SLIT1: variants seen among roughly 807,000 people sequenced by gnomAD.
SLIT1 encodes slit homolog 1 protein.
In SLIT1, 66 loss-of-function variants were observed where a neutral mutation model predicts 186.1. The observed-to-expected ratio is 0.35, with a 90% CI of 0.29 to 0.44. The LOEUF is 0.44. SLIT1 is among the 20% of genes least tolerant of loss of function. The pLI is 1.00. For synonymous variants in SLIT1, 761 were observed against 833.8 expected, an observed-to-expected ratio of 0.91 and a Z score of 1.50; for missense variants, 1,638 against 2,037.4, an observed-to-expected ratio of 0.80 and a Z score of 3.77.
rs113697573 is a variant in SLIT1, at chr10:97,160,026, C to T, written c.342-2137G>A. 5.4e-3 allele frequency among the ~76,000 whole-genome samples: 829 copies of T among 152,272 alleles called. 7 individuals carry two copies. Among genetic ancestry groups the T allele is most frequent in the African/African-American group, 0.019 (785 of 41,544 alleles). ...GGTAGATGTGGGATCTTGAAGCTTG[C>T]CTTTCTCTACTCCCCATCCTGGCTG... On this transcript the variant is annotated intron_variant, in intron 3 of 36. Coordinates refer to ENST00000266058, the MANE Select transcript of SLIT1 (RefSeq NM_003061.3).
chr10:97,147,383 C>A (rs1234684244), intron 4 of SLIT1, among the ~76,000 whole-genome samples: 1 of 152,054 alleles, frequency 6.6e-6, no homozygotes, highest in East Asian at 1.9e-4. Flanking sequence ...GTATTTAATG[C>A]CACTAAATTG....
chr10:97,030,315 T>C (rs1457362368), intron 25 of SLIT1, among the ~76,000 whole-genome samples: 1 of 152,180 alleles, frequency 6.6e-6, no homozygotes, highest in Non-Finnish European at 1.5e-5. Context: ...CTGTGTGAAG[T>C]CGGAGGCACA....
chr10:97,073,475 C>A (rs1406269623), intron 4 of SLIT1, among the ~76,000 whole-genome samples: 1 of 152,182 alleles, frequency 6.6e-6, no homozygotes, highest in African/African-American at 2.4e-5. Flanking sequence ...CCTGTCCCAG[C>A]CCGGGGAAGC....
intron 4 of SLIT1, among the ~76,000 whole-genome samples, chr10:97,109,420 T>G (rs1054854982): frequency 6.6e-6 from 1 of 151,984 alleles, no homozygotes; most frequent in Non-Finnish European, 1.5e-5. Context: ...AGGAAGAAAG[T>G]AGGGCAGAAG....
intron 8 of SLIT1, among the ~76,000 whole-genome samples, chr10:97,062,582 A>C (rs548889865): frequency 6.6e-6 from 1 of 152,366 alleles, no homozygotes; most frequent in Admixed American, 6.5e-5. Context: ...CCTGCCCTGC[A>C]GGGTGAGGAG....
intron 4 of SLIT1, among the ~76,000 whole-genome samples, chr10:97,120,199 G>A (rs1460261347): frequency 1.3e-5 from 2 of 151,930 alleles, no homozygotes; most frequent in Non-Finnish European, 2.9e-5. Flanking sequence ...TCAGCCCAGG[G>A]TTGGGCAAGA....
chr10:97,078,792 G>T (rs1849073165), intron 4 of SLIT1, among the ~76,000 whole-genome samples: 1 of 152,232 alleles, frequency 6.6e-6, no homozygotes, highest in African/African-American at 2.4e-5. Flanking sequence ...CCAGGGCGAG[G>T]CCTCCGGGCT....
intron 4 of SLIT1, among the ~76,000 whole-genome samples, chr10:97,143,614 T>C (rs1300021879): frequency 1.3e-5 from 2 of 152,142 alleles, no homozygotes; most frequent in East Asian, 1.9e-4. Context: ...TGTGTTTTTA[T>C]CACAATTTTA....
At chr10:97,039,907 G>T in intron 21 of SLIT1, 81 bp downstream of exon 21, 11 of 1,522,230 alleles carry the variant, frequency 7.2e-6, no homozygotes, top group Non-Finnish European at 9.8e-6. Flanking sequence ...CCCATGGCTA[G>T]GCCCCAGCCC....
At chr10:97,079,779 CT>C (rs1043839763) in intron 4 of SLIT1, among the ~76,000 whole-genome samples, 2 of 152,160 alleles carry the variant, frequency 1.3e-5, no homozygotes, top group African/African-American at 4.8e-5. Flanking sequence ...GGTGAAGATG[CT>C]GCATCTTCCA....
chr10:97,172,674 G>C (rs972598939), intron 1 of SLIT1, among the ~76,000 whole-genome samples: 1 of 152,258 alleles, frequency 6.6e-6, no homozygotes, highest in African/African-American at 2.4e-5. Flanking sequence ...CCAGTGCTTT[G>C]GGAGGCCAAG....
intron 1 of SLIT1, 135 bp downstream of exon 1, chr10:97,185,343 A>T: frequency 1.2e-6 from 1 of 810,206 alleles, no homozygotes; most frequent in Non-Finnish European, 1.9e-6. Context: ...AGACCCCGGC[A>T]GGCACTGACC....
intron 13 of SLIT1, among the ~76,000 whole-genome samples, chr10:97,052,833 T>A (rs1015949201): frequency 6.6e-6 from 1 of 152,208 alleles, no homozygotes; most frequent in South Asian, 2.1e-4. Context: ...GTTGTAATAA[T>A]AGTACCTGAT....
chr10:97,033,050 CTTTTT>C (rs71007311), intron 23 of SLIT1, among the ~76,000 whole-genome samples: 2 of 139,780 alleles, frequency 1.4e-5, no homozygotes, highest in African/African-American at 2.6e-5. Context: ...TTCTTTCTTT[CTTTTT>C]TTTTTTTTTT....
At chr10:97,137,100 C>CT (rs1308265005) in intron 4 of SLIT1, among the ~76,000 whole-genome samples, 1 of 152,168 alleles carries the variant, frequency 6.6e-6, no homozygotes, top group Non-Finnish European at 1.5e-5. Context: ...GACCACAATC[C>CT]TTTTATCAGC....
chr10:97,139,289 T>C (rs183858458), intron 4 of SLIT1, among the ~76,000 whole-genome samples: 27 of 152,232 alleles, frequency 1.8e-4, no homozygotes, highest in Non-Finnish European at 1.6e-4. Context: ...CAACCAGGAA[T>C]CACATTAAGG....
intron 1 of SLIT1, 90 bp from the exon 2 acceptor site, chr10:97,164,980 A>G (rs2134728649): frequency 2.1e-6 from 2 of 960,102 alleles, no homozygotes; most frequent in East Asian, 2.4e-5. Flanking sequence ...CCCCGCCTGG[A>G]TCAGCCAGTC....
intron 4 of SLIT1, among the ~76,000 whole-genome samples, chr10:97,112,231 C>T (rs139131249): frequency 3.2e-4 from 49 of 152,276 alleles, no homozygotes; most frequent in African/African-American, 9.6e-4. Flanking sequence ...CACTGCCAAG[C>T]TCCACCACTC....
At chr10:97,005,957 C>T (rs1848356292) in intron 32 of SLIT1, among the ~76,000 whole-genome samples, 2 of 152,134 alleles carry the variant, frequency 1.3e-5, no homozygotes. Flanking sequence ...CTCCATCCCC[C>T]AAAAGAAGTG....
Sources: allele counts gnomAD v4.1 joint callset (sites outside exome capture counted in the v4.1 genomes callset), GRCh38; gene constraint gnomAD v4.1.1; transcripts MANE v1.5; gene names NCBI Gene and HGNC (gene_info 2026-07-23, HGNC 2026-07-21).